The following GNA12 variants were observed in gnomAD, a reference collection of about 807,000 sequenced individuals.
GNA12 encodes the protein G protein subunit alpha 12.
GNA12 carries 9 observed loss-of-function variants against 26.0 expected under a neutral mutation model. That is an observed-to-expected ratio of 0.35 (90% CI 0.21 to 0.60). The LOEUF (loss-of-function observed/expected upper bound fraction) is 0.60, where lower values mean the gene tolerates loss of function less well. Among genes scored for constraint, GNA12 ranks in the 20% least tolerant of loss-of-function variants. GNA12 has a pLI of 0.78. For synonymous variants in GNA12, 264 were observed against 219.6 expected (o/e 1.20, Z -1.79); for missense variants, 405 against 525.8 (o/e 0.77, Z 2.25).
rs756257195 is a variant in GNA12 at position 2,731,600 on chromosome 7, C to T, written c.727G>A (p.Asp243Asn). Reference sequence around the variant, plus strand: ...ATGAACAGGATGGACGTGATCCCGTCGAAGCACTGGAACCACTTCTGGCGC... The same window carrying T: ...ATGAACAGGATGGACGTGATCCCGTTGAAGCACTGGAACCACTTCTGGCGC... ...SQRQKWFQCF[D>N]GITSILFMVS... Residue 243 changes from aspartate (D) to asparagine (N), a missense_variant, in exon 4 of 4, where the codon GAC (aspartate) becomes AAC (asparagine). Coordinates refer to ENST00000275364, the MANE Select transcript of GNA12 (RefSeq NM_007353.3). The surrounding 1 kb of genome is among the most constrained non-coding windows in gnomAD (Gnocchi z 6.0). 5.6e-6 allele frequency: 9 copies of T among 1,613,854 alleles called. No homozygotes were observed. The highest frequency in any genetic ancestry group is 2.2e-5 in the East Asian group (1 of 44,870).
chr7:2,765,875 G>GCCC (rs71026552), intron 2 of GNA12, among the ~76,000 whole-genome samples: 2 of 147,962 alleles, frequency 1.4e-5, no homozygotes, highest in African/African-American at 5.0e-5. Flanking sequence ...GTGATCCAGG[G>GCCC]CCCCCCTCCC....
At chr7:2,816,032 C>T (rs1420301244) in intron 1 of GNA12, among the ~76,000 whole-genome samples, 2 of 152,240 alleles carry the variant, frequency 1.3e-5, no homozygotes, top group East Asian at 1.9e-4. Flanking sequence ...GTACACATCC[C>T]GGAGAGACCC....
intron 2 of GNA12, among the ~76,000 whole-genome samples, chr7:2,744,875 G>A (rs1583225574): frequency 6.6e-6 from 1 of 152,196 alleles, no homozygotes; most frequent in East Asian, 1.9e-4. Flanking sequence ...GAGGAATGCA[G>A]AAGCCTCAGG....
At chr7:2,768,706 C>T (rs1466215351) in intron 2 of GNA12, among the ~76,000 whole-genome samples, 1 of 144,560 alleles carries the variant, frequency 6.9e-6, no homozygotes, top group Non-Finnish European at 1.5e-5. Flanking sequence ...AAACAGTAAA[C>T]CTATGGATAA....
At chr7:2,733,395 TG>T (rs1789998166) in intron 3 of GNA12, 55 bp downstream of exon 3, 4 of 1,394,752 alleles carry the variant, frequency 2.9e-6, no homozygotes, top group Non-Finnish European at 3.9e-6. Flanking sequence ...CTTTGGTCTC[TG>T]GACACGTTTT....
chr7:2,746,939 G>A (rs1345916939), intron 2 of GNA12, among the ~76,000 whole-genome samples: 11 of 152,114 alleles, frequency 7.2e-5, no homozygotes, highest in African/African-American at 2.4e-4. Flanking sequence ...TAAATTCCTC[G>A]ACACATACAT....
At chr7:2,821,259 G>A (rs1408020811) in intron 1 of GNA12, among the ~76,000 whole-genome samples, 1 of 152,202 alleles carries the variant, frequency 6.6e-6, no homozygotes, top group African/African-American at 2.4e-5. Flanking sequence ...ATCCTGAGGG[G>A]AGACTCTCCG....
intron 1 of GNA12, among the ~76,000 whole-genome samples, chr7:2,805,054 G>A (rs921296404): frequency 6.6e-6 from 1 of 152,172 alleles, no homozygotes; most frequent in Non-Finnish European, 1.5e-5. Flanking sequence ...ATCCAACCTG[G>A]TCAAGCTGGG....
intron 1 of GNA12, among the ~76,000 whole-genome samples, chr7:2,826,096 G>C (rs370033568): frequency 1.3e-5 from 2 of 151,850 alleles, no homozygotes; most frequent in Non-Finnish European, 2.9e-5. Flanking sequence ...AAACATACTC[G>C]GGCCGGGGGC....
At chr7:2,800,558 C>T (rs753540717) in intron 1 of GNA12, among the ~76,000 whole-genome samples, 1 of 152,230 alleles carries the variant, frequency 6.6e-6, no homozygotes, top group Non-Finnish European at 1.5e-5. Context: ...TCCTGTGAAC[C>T]TATACTTATT....
chr7:2,825,999 A>C (rs1421098117), intron 1 of GNA12, among the ~76,000 whole-genome samples: 2 of 152,172 alleles, frequency 1.3e-5, no homozygotes, highest in East Asian at 3.8e-4. Context: ...GCCACATGGT[A>C]GCCAGGAAGT....
chr7:2,839,237 C>T (rs531918089), intron 1 of GNA12, among the ~76,000 whole-genome samples: 1 of 140,612 alleles, frequency 7.1e-6, no homozygotes, highest in African/African-American at 2.5e-5. Flanking sequence ...ACAGGAAAAT[C>T]TTTTCTTTTT....
intron 2 of GNA12, among the ~76,000 whole-genome samples, chr7:2,756,111 A>G (rs1791280140): frequency 2.0e-5 from 3 of 152,246 alleles, no homozygotes; most frequent in Admixed American, 6.5e-5. Flanking sequence ...ATATGGATCA[A>G]CCGAATAGAA....
At chr7:2,818,954 C>A (rs886707091) in intron 1 of GNA12, among the ~76,000 whole-genome samples, 14 of 152,070 alleles carry the variant, frequency 9.2e-5, no homozygotes, top group African/African-American at 3.1e-4. Flanking sequence ...TAAAGATGGC[C>A]GGGGGTATTC....
At chr7:2,749,508 T>C (rs1009558416) in intron 2 of GNA12, among the ~76,000 whole-genome samples, 2 of 136,534 alleles carry the variant, frequency 1.5e-5, no homozygotes, top group Admixed American at 7.4e-5. Flanking sequence ...CCGGGGACTA[T>C]TGTGGGGTAG....
At chr7:2,748,159 C>G (rs1790858288) in intron 2 of GNA12, among the ~76,000 whole-genome samples, 1 of 150,816 alleles carries the variant, frequency 6.6e-6, no homozygotes, top group African/African-American at 2.4e-5. Flanking sequence ...GAAAAAACTA[C>G]TTTAAAGTTC....
intron 1 of GNA12, among the ~76,000 whole-genome samples, chr7:2,804,192 T>C (rs936735809): frequency 1.3e-5 from 2 of 152,258 alleles, no homozygotes; most frequent in Admixed American, 1.3e-4. Context: ...AACAGCTTCA[T>C]GTGCTAATTC....
At chr7:2,798,235 C>T (rs1792726615) in intron 1 of GNA12, among the ~76,000 whole-genome samples, 1 of 152,138 alleles carries the variant, frequency 6.6e-6, no homozygotes. Flanking sequence ...AAAGAAAACA[C>T]ACAACTAAAC....
chr7:2,819,960 G>T (rs1156547432), intron 1 of GNA12, among the ~76,000 whole-genome samples: 1 of 152,186 alleles, frequency 6.6e-6, no homozygotes, highest in Non-Finnish European at 1.5e-5. Flanking sequence ...ACACACAAAA[G>T]ATGGAAAGAA....
Sources: gnomAD v4.1 joint callset for allele counts (sites outside exome capture counted in the v4.1 genomes callset) on GRCh38, gnomAD v4.1.1 for gene constraint, Gnocchi (gnomAD v3.1) non-coding constraint, MANE v1.5 for transcripts, NCBI Gene and HGNC (gene_info 2026-07-23, HGNC 2026-07-21) for gene names.